Variants in EZH2 observed in about 807,000 individuals in gnomAD.
EZH2 encodes enhancer of zeste 2 polycomb repressive complex 2 subunit, also known as histone-lysine N-methyltransferase EZH2.
In EZH2, 18 loss-of-function variants were observed where a neutral mutation model predicts 98.4. The observed-to-expected ratio is 0.18, with a 90% CI of 0.13 to 0.27. The LOEUF is 0.27. EZH2 is among the 10% of genes least tolerant of loss of function. The pLI is 1.00. For missense variants in EZH2, 470 were observed against 935.1 expected, an observed-to-expected ratio of 0.50 and a Z score of 6.49; for synonymous variants, 338 against 312.3, an observed-to-expected ratio of 1.08 and a Z score of -0.87.
intron 1 of EZH2, among the ~76,000 whole-genome samples, chr7:148,861,818 A>AT (rs1817714467): frequency 6.6e-6 from 1 of 151,668 alleles, no homozygotes; most frequent in African/African-American, 2.4e-5. Flanking sequence ...AAAAAAAAAA[A>AT]AAATTAATTA....
Position 148,809,391 on chromosome 7 carries a change from C to G in EZH2, c.2030-1G>C. 6.3e-7 allele frequency: 1 copy of G among 1,595,300 alleles called. No homozygotes were observed. Among genetic ancestry groups the G allele is most frequent in the Non-Finnish European group, 8.6e-7 (1 of 1,165,090 alleles). On this transcript the variant is annotated splice_acceptor_variant, in intron 17 of 19. Coordinates refer to ENST00000320356, the MANE Select transcript of EZH2 (RefSeq NM_004456.5). LOFTEE classifies it high-confidence loss of function. ...TTGCGGGTTGCATCCACCACAAAAT[C>G]TAAAAAGAAAAAAGTAAGCACAGCC... is the stretch of plus-strand genomic sequence containing the variant.
chr7:148,874,615 CAGGAAA>C (rs1819929961), intron 1 of EZH2, among the ~76,000 whole-genome samples: 1 of 151,840 alleles, frequency 6.6e-6, no homozygotes, highest in Admixed American at 6.6e-5. Context: ...CTTTGTTAAA[CAGGAAA>C]AGGAAAAGTT....
chr7:148,821,379 ATAAT>A (rs1806033374), intron 8 of EZH2, among the ~76,000 whole-genome samples: 1 of 152,230 alleles, frequency 6.6e-6, no homozygotes, highest in Non-Finnish European at 1.5e-5. Context: ...AACTTGGGAG[ATAAT>A]TAAAGGACAC....
chr7:148,880,425 G>A (rs558131187), intron 1 of EZH2, among the ~76,000 whole-genome samples: 1 of 152,016 alleles, frequency 6.6e-6, no homozygotes, highest in African/African-American at 2.4e-5. Context: ...ACCCTCTCTC[G>A]CCCTTTCCCT....
At chr7:148,828,089 G>C (rs1320880505) in intron 6 of EZH2, among the ~76,000 whole-genome samples, 2 of 152,234 alleles carry the variant, frequency 1.3e-5, no homozygotes, top group East Asian at 3.8e-4. Context: ...CTGTACTCTA[G>C]CCTGGGCGAC....
intron 3 of EZH2, among the ~76,000 whole-genome samples, chr7:148,838,512 A>C (rs2129482294): frequency 6.6e-6 from 1 of 152,334 alleles, no homozygotes; most frequent in East Asian, 1.9e-4. Flanking sequence ...GCACTCAAAA[A>C]AGTACATGAA....
chr7:148,883,404 C>G (rs1049791312), intron 1 of EZH2: 3 of 152,410 alleles, frequency 2.0e-5, no homozygotes, highest in South Asian at 2.1e-4. Flanking sequence ...CCAGACCAGG[C>G]GGCGAGGGCA....
intron 12 of EZH2, 63 bp downstream of exon 12, chr7:148,816,620 GA>G (rs1277456296): frequency 5.7e-6 from 7 of 1,229,964 alleles, no homozygotes; most frequent in African/African-American, 1.5e-5. Context: ...CAGCCCTTAG[GA>G]AGGGCCTTGC....
chr7:148,811,667 A>G lies in EZH2; in HGVS notation c.1905T>C (p.Asp635=), dbSNP rs372010918. 47 of 1,613,614 alleles carry G rather than the reference A, an allele frequency of 2.9e-5. No individual in the cohort carries two copies. Among genetic ancestry groups the G allele is most frequent in the Non-Finnish European group, 4.0e-5 (47 of 1,180,020 alleles). ...AGATGAATTCATTTTTCTGCACAGG[A>G]TCTTTGATAAAAATCCCCCAGCCTG... ...DVAGWGIFIK[D]PVQKNEFISE... is the part of the protein sequence containing the mutation. The change falls in exon 16 of 20, where the codon GAT becomes GAC. Residue 635 remains aspartate, a synonymous_variant. Coordinates refer to ENST00000320356, the MANE Select transcript of EZH2 (RefSeq NM_004456.5).
chr7:148,821,348 G>A (rs917652216), intron 8 of EZH2, among the ~76,000 whole-genome samples: 4 of 152,074 alleles, frequency 2.6e-5, no homozygotes, highest in Non-Finnish European at 5.9e-5. Flanking sequence ...AACAAAAAAT[G>A]TACAAGAGTC....
chr7:148,820,109 G>A (rs909809307), intron 8 of EZH2, among the ~76,000 whole-genome samples: 2 of 152,124 alleles, frequency 1.3e-5, no homozygotes, highest in Non-Finnish European at 2.9e-5. Flanking sequence ...CAATCAGCTT[G>A]TCACCAGTTG....
intron 1 of EZH2, among the ~76,000 whole-genome samples, chr7:148,882,141 T>TGAGAAACACAAACCCA (rs1821100425): frequency 6.6e-6 from 1 of 152,164 alleles, no homozygotes; most frequent in Non-Finnish European, 1.5e-5. Context: ...TTATAATGTC[T>TGAGAAACACAAACCCA]CAACACTTAG....
rs748733052 is a variant in EZH2 at position 148,875,802 on chromosome 7, C to A, written c.-8+8362G>T. ...AACAGCTGACAACAGTCCTATGTGT[C>A]CATCCATGGGTAAATGAATTTAAAA... On this transcript the variant is annotated intron_variant, in intron 1 of 19. Transcript: ENST00000320356. Among the ~76,000 whole-genome samples the A allele has an allele frequency of 1.8e-4, 28 of 152,190 alleles. 3 individuals carry two copies. The highest frequency in any genetic ancestry group is 1.2e-3 in the Admixed American group (19 of 15,276).
Position 148,819,572 on chromosome 7 carries a change from C to T in EZH2, c.999+24G>A, listed in dbSNP as rs1172624515. 3 of 1,596,212 alleles carry T rather than the reference C, an allele frequency of 1.9e-6. No homozygotes were observed. The South Asian group carries it at 3.3e-5, about 18-fold the overall frequency. On this transcript the variant is annotated intron_variant, in intron 9 of 19. Coordinates refer to ENST00000320356, the MANE Select transcript of EZH2 (RefSeq NM_004456.5). ...GCAAAGTCCTCTCAAGTACCCTCTG[C>T]AATAATTAGGCACTAAGTCTTACCA...
At chr7:148,811,024 T>A (rs1448303369) in intron 16 of EZH2, among the ~76,000 whole-genome samples, 5 of 152,120 alleles carry the variant, frequency 3.3e-5, no homozygotes, top group Non-Finnish European at 7.4e-5. Flanking sequence ...TGTTTCTAGG[T>A]CCTTATCAAC....
At chr7:148,838,125 G>A (rs574428314) in intron 3 of EZH2, among the ~76,000 whole-genome samples, 12 of 138,296 alleles carry the variant, frequency 8.7e-5, no homozygotes, top group Non-Finnish European at 1.8e-4. Context: ...TTAGAGTGCA[G>A]TGGTGCAATC....
chr7:148,810,471 G>A (rs1802717276), intron 16 of EZH2, 57 bp from the exon 17 acceptor site: 1 of 1,247,348 alleles, frequency 8.0e-7, no homozygotes, highest in Admixed American at 1.7e-5. Context: ...AAGCCTGACA[G>A]AACACACAAA....
rs140063578 is a variant in EZH2 at position 148,866,222 on chromosome 7, G to A, written c.-8+17942C>T. 1.8e-3 allele frequency among the ~76,000 whole-genome samples: 278 copies of A among 152,212 alleles called. 1 individual carries two copies. The highest frequency in any genetic ancestry group is 6.3e-3 in the African/African-American group (261 of 41,540). The stretch of plus-strand genomic sequence containing the variant: ...AAGTACTATTTACTTAATAATTGAT[G>A]AGACTTGTCAGTATCTGTGCTATGG... On this transcript the variant is annotated intron_variant, in intron 1 of 19. Transcript: ENST00000320356.
chr7:148,843,648 T>C (rs573325709), intron 3 of EZH2, among the ~76,000 whole-genome samples: 2 of 119,898 alleles, frequency 1.7e-5, no homozygotes, highest in African/African-American at 6.6e-5. Flanking sequence ...CAGGCTGGAG[T>C]GCAGTGGCGC....
Sources: gnomAD v4.1 joint callset for allele counts (sites outside exome capture counted in the v4.1 genomes callset) on GRCh38, gnomAD v4.1.1 for gene constraint, MANE v1.5 for transcripts, NCBI Gene and HGNC (gene_info 2026-07-23, HGNC 2026-07-21) for gene names.